The following PLCH2 variants were observed in gnomAD, a reference collection of about 807,000 sequenced individuals.
PLCH2 encodes 1-phosphatidylinositol 4,5-bisphosphate phosphodiesterase eta-2.
PLCH2 carries 98 observed loss-of-function variants against 134.7 expected under a neutral mutation model. The observed-to-expected ratio is 0.73, with a 90% CI of 0.62 to 0.86. PLCH2 has a LOEUF of 0.86. Ranked by LOEUF, PLCH2 falls within the 40% of genes least tolerant of loss-of-function variation. The pLI is 0.00. For synonymous variants in PLCH2, 974 were observed against 827.5 expected (o/e 1.18, Z -3.04); for missense variants, 1,994 against 1,986.6 (o/e 1.00, Z -0.07).
chr1:2,499,635 C>T lies in PLCH2; in HGVS notation c.2582-6C>T, dbSNP rs540354278. On this transcript the variant is annotated splice_region_variant and splice_polypyrimidine_tract_variant and intron_variant, in intron 19 of 21. Coordinates refer to ENST00000378486, the MANE Select transcript of PLCH2 (RefSeq NM_014638.4). ...CTCATGACCCTGCTGACCCACACTG[C>T]TCCAGGCTACAGACACGTGTACCTA... 8 of 1,594,748 alleles carry T rather than the reference C, an allele frequency of 5.0e-6. No individual in the cohort carries two copies. The African/African-American group carries it at 9.4e-5, about 19-fold the overall frequency.
At chr1:2,475,588 C>T (rs557617318), upstream of PLCH2, among the ~76,000 whole-genome samples, 11 of 152,314 alleles carry the variant, frequency 7.2e-5, no homozygotes, top group South Asian at 6.2e-4. Flanking sequence ...GGAGCTGAGA[C>T]GGTGGGGTGG....
At chr1:2,490,028 G>A (rs1280379444) in intron 10 of PLCH2, among the ~76,000 whole-genome samples, 161 bp downstream of exon 10, 2 of 101,510 alleles carry the variant, frequency 2.0e-5, no homozygotes, top group East Asian at 5.4e-4. Flanking sequence ...GGTCCTCCCT[G>A]CCCACCCACC....
chr1:2,428,385 C>T (rs999176174), intron 1 of PLCH2, among the ~76,000 whole-genome samples: 2 of 152,222 alleles, frequency 1.3e-5, no homozygotes, highest in Admixed American at 6.5e-5. Flanking sequence ...GCCGCAGAGA[C>T]CAGTGTGGCT....
At position 2,487,703 on chromosome 1, in the gene PLCH2, C is replaced by T; in HGVS notation, c.1220C>T (p.Ala407Val). The T allele has an allele frequency of 1.2e-6, 2 of 1,613,236 alleles. No homozygotes were observed. The highest frequency in any genetic ancestry group is 1.7e-6 in the Non-Finnish European group (2 of 1,179,738). The change falls in exon 8 of 22, where the codon GCC (alanine) becomes GTC (valine). Residue 407 changes from alanine to valine, a missense_variant. Coordinates refer to ENST00000378486, the MANE Select transcript of PLCH2 (RefSeq NM_014638.4). ...GTCATTGAAACCATCAACAAATATG[C>T]CTTCATCAAGAATGAGTGAGTGGCT... ...KDVIETINKY[A>V]FIKNEYPVIL... is the part of the protein sequence containing the mutation.
At chr1:2,453,987 C>T (rs893250540) in intron 2 of PLCH2, among the ~76,000 whole-genome samples, 4 of 151,684 alleles carry the variant, frequency 2.6e-5, no homozygotes, top group Non-Finnish European at 5.9e-5. Context: ...CTCTGAGAGC[C>T]GAGTGTGTGG....
At chr1:2,494,619 C>T (rs1394431976) in intron 11 of PLCH2, 1 of 587,588 alleles carries the variant, frequency 1.7e-6, no homozygotes, top group Non-Finnish European at 3.0e-6. Flanking sequence ...CGGGGCCTGA[C>T]TTTCAGGCCG....
At chr1:2,497,675 G>A in intron 16 of PLCH2, 66 bp downstream of exon 16, 3 of 1,124,882 alleles carry the variant, frequency 2.7e-6, no homozygotes, top group Non-Finnish European at 3.9e-6. Context: ...GGTGTCCCCA[G>A]AACAGAGATC....
At chr1:2,424,981 G>A (rs527607275), upstream of PLCH2, among the ~76,000 whole-genome samples, 84 of 151,824 alleles carry the variant, frequency 5.5e-4, no homozygotes, top group African/African-American at 1.9e-3. Context: ...GCAAGACTCC[G>A]TCTCAAAAAA....
chr1:2,421,677 T>C (rs75884450), upstream of PLCH2, among the ~76,000 whole-genome samples: 2,380 of 152,096 alleles, frequency 0.016, 30 homozygotes, highest in Non-Finnish European at 0.022. Context: ...TGAAGTCTTA[T>C]TGAAAATAAC....
Position 2,476,647 on chromosome 1 carries a change from C to T in PLCH2, c.59C>T (p.Ala20Val), listed in dbSNP as rs770539349. ...ACCAAGGGAACGGTGGCCTGGCTGG[C>T]GGAGGTACTCCTCTGGGTTGGAGGG... ...SRTKGTVAWL[A>V]EVLLWVGGSV... Residue 20 changes from alanine to valine, a missense_variant, in exon 1 of 22, where the codon GCG becomes GTG. Physicochemically the swap from Ala to Val is moderately conservative, Grantham distance 64. Coordinates refer to ENST00000378486, the MANE Select transcript of PLCH2 (RefSeq NM_014638.4). 175 of 1,607,064 alleles carry T rather than the reference C, an allele frequency of 1.1e-4. 1 individual carries two copies. The highest frequency in any genetic ancestry group is 1.1e-3 in the South Asian group (98 of 90,420).
intron 1 of PLCH2, among the ~76,000 whole-genome samples, chr1:2,469,776 C>T (rs925994414): frequency 6.6e-5 from 10 of 152,300 alleles, no homozygotes; most frequent in South Asian, 2.1e-4. Flanking sequence ...GGCGAGTGGG[C>T]GCGGGCCTCC....
At chr1:2,487,416 C>T in intron 7 of PLCH2, 40 bp downstream of exon 7, 1 of 1,573,340 alleles carries the variant, frequency 6.4e-7, no homozygotes, top group Non-Finnish European at 8.7e-7. Context: ...GGGCTGGCAT[C>T]TGCTGTGGGA....
chr1:2,450,536 C>T (rs1314053924), intron 2 of PLCH2, among the ~76,000 whole-genome samples: 14 of 141,426 alleles, frequency 9.9e-5, no homozygotes, highest in Non-Finnish European at 2.2e-4. Context: ...CCCCACTCCC[C>T]GCTTGCCCCC....
At chr1:2,436,538 TCCCTCCTCCCTTC>T (rs1557944077) in intron 2 of PLCH2, among the ~76,000 whole-genome samples, 462 of 23,128 alleles carry the variant, frequency 0.02, 71 homozygotes, top group African/African-American at 0.14. Flanking sequence ...TCCTCCTTCC[TCCCTCCTCCCTTC>T]CTCCCTCCAC....
At chr1:2,460,064 G>A (rs1297921679) in intron 2 of PLCH2, among the ~76,000 whole-genome samples, 2 of 152,244 alleles carry the variant, frequency 1.3e-5, no homozygotes, top group Non-Finnish European at 2.9e-5. Context: ...TCCAGCTGGC[G>A]CTGTCCAGCC....
intron 2 of PLCH2, among the ~76,000 whole-genome samples, chr1:2,456,807 C>G (rs1640519285): frequency 6.6e-6 from 1 of 152,112 alleles, no homozygotes; most frequent in Admixed American, 6.5e-5. Flanking sequence ...CTTGGTAGGA[C>G]CTTTTTCTGC....
chr1:2,438,092 T>C (rs1332711297), intron 2 of PLCH2, among the ~76,000 whole-genome samples: 2 of 152,198 alleles, frequency 1.3e-5, no homozygotes, highest in East Asian at 3.9e-4. Flanking sequence ...GTCCCTGGGC[T>C]GAGGCCTCCC....
At chr1:2,500,231 G>A (rs929792968) in intron 20 of PLCH2, 6 of 171,306 alleles carry the variant, frequency 3.5e-5, no homozygotes, top group Non-Finnish European at 6.3e-5. Context: ...AAGTGGTCTT[G>A]GTGCCAGCCC....
upstream of PLCH2, among the ~76,000 whole-genome samples, chr1:2,422,465 G>C (rs957388312): frequency 1.3e-5 from 2 of 152,218 alleles, no homozygotes; most frequent in African/African-American, 4.8e-5. Context: ...GTTGAAATCA[G>C]TGAAGAGATC....
Sources: allele counts gnomAD v4.1 joint callset (sites outside exome capture counted in the v4.1 genomes callset), GRCh38; gene constraint gnomAD v4.1.1; transcripts MANE v1.5; gene names NCBI Gene and HGNC (gene_info 2026-07-23, HGNC 2026-07-21).